Variants in CCDC34 observed in about 807,000 individuals in gnomAD.
The protein encoded by CCDC34 is coiled-coil domain-containing protein 34.
CCDC34 carries 40 observed loss-of-function variants against 44.1 expected under a neutral mutation model. That is an observed-to-expected ratio of 0.91 (90% CI 0.70 to 1.18). The LOEUF (loss-of-function observed/expected upper bound fraction) is 1.18. Among genes scored for constraint, CCDC34 ranks in the 50% most tolerant of loss-of-function variants. CCDC34 has a pLI of 0.00. For synonymous variants in CCDC34, 159 were observed against 158.2 expected (o/e 1.01, Z -0.04); for missense variants, 466 against 452.3 (o/e 1.03, Z -0.28).
At chr11:27,342,854 T>C (rs1214350772) in intron 3 of CCDC34, among the ~76,000 whole-genome samples, 1 of 152,230 alleles carries the variant, frequency 6.6e-6, no homozygotes, top group East Asian at 1.9e-4. Flanking sequence ...AGCTAAATTC[T>C]AAATAACCAA....
intron 1 of CCDC34, among the ~76,000 whole-genome samples, chr11:27,358,591 T>C (rs931599089): frequency 1.3e-5 from 2 of 152,198 alleles, no homozygotes; most frequent in African/African-American, 4.8e-5. Flanking sequence ...AAAGAGACAC[T>C]GTTGATGTGT....
chr11:27,355,936 T>C (rs1355292992), intron 2 of CCDC34, among the ~76,000 whole-genome samples: 1 of 150,206 alleles, frequency 6.7e-6, no homozygotes, highest in African/African-American at 2.4e-5. Flanking sequence ...TAGAAACTTA[T>C]CAAATAATAA....
chr11:27,343,998 G>A (rs956878721), intron 3 of CCDC34, among the ~76,000 whole-genome samples: 1 of 151,946 alleles, frequency 6.6e-6, no homozygotes, highest in Non-Finnish European at 1.5e-5. Context: ...AAATGAATTC[G>A]AGAAAAAGTA....
intron 5 of CCDC34, 42 bp downstream of exon 5, chr11:27,340,654 T>C: frequency 6.4e-7 from 1 of 1,550,898 alleles, no homozygotes; most frequent in Non-Finnish European, 8.7e-7. Flanking sequence ...TATTTGCTTC[T>C]GCAAACCATA....
At position 27,350,453 on chromosome 11, in the gene CCDC34, T is replaced by G. The variant is rs1282934953; in HGVS notation, c.499-14A>C. On this transcript the variant is annotated splice_polypyrimidine_tract_variant and intron_variant, in intron 2 of 5. Coordinates refer to ENST00000328697, the MANE Select transcript of CCDC34 (RefSeq NM_030771.2). ...TTGATTTAATTCCTGTGGATTTTAT[T>G]TAGACAAAAGGCAACATTTAATAGA... 2 of 1,581,196 alleles carry G rather than the reference T, an allele frequency of 1.3e-6. No individual in the cohort carries two copies. Among genetic ancestry groups the G allele is most frequent in the Non-Finnish European group, 1.7e-6 (2 of 1,160,676 alleles).
chr11:27,363,009 G>A lies in CCDC34; in HGVS notation c.186C>T (p.Ser62=). Residue 62 remains serine, a synonymous_variant, in exon 1 of 6, where the codon TCC becomes TCT. Transcript: ENST00000328697. ...CAAGGGGAGACAACAGCGACCTGGT[G>A]GAATTGCTGCAGCTCAGCGGCAGCG... is the stretch of plus-strand genomic sequence containing the variant. ...SPPLPLSCSN[S]TRSLLSPLGH... 1 of 1,614,178 alleles carries A rather than the reference G, an allele frequency of 6.2e-7. No individual in the cohort carries two copies. Among genetic ancestry groups the A allele is most frequent in the Non-Finnish European group, 8.5e-7 (1 of 1,180,030 alleles).
intron 4 of CCDC34, 55 bp downstream of exon 4, chr11:27,341,337 G>T: frequency 1.9e-6 from 2 of 1,039,210 alleles, no homozygotes; most frequent in South Asian, 2.2e-5. Flanking sequence ...AGATATAGTT[G>T]ACACATATGA....
At chr11:27,339,907 T>G in intron 5 of CCDC34, among the ~76,000 whole-genome samples, 1 of 152,294 alleles carries the variant, frequency 6.6e-6, no homozygotes, top group Middle Eastern at 3.4e-3. Flanking sequence ...TTAAAGCCAC[T>G]GCTTATTACT....
At position 27,363,100 on chromosome 11, in the gene CCDC34, G is replaced by A. The variant is rs1590334261; in HGVS notation, c.95C>T (p.Ser32Phe). 2 of 1,598,692 alleles carry A rather than the reference G, an allele frequency of 1.3e-6. No homozygotes were observed. Among genetic ancestry groups the A allele is most frequent in the Middle Eastern group, 1.7e-4 (1 of 5,942 alleles). Residue 32 changes from serine (S) to phenylalanine (F), a missense_variant, in exon 1 of 6, where the codon TCC (serine) becomes TTC (phenylalanine). Coordinates refer to ENST00000328697, the MANE Select transcript of CCDC34 (RefSeq NM_030771.2). Reference protein sequence around the residue: ...CRPRSRPSSDSCSVPMTGARG... With the variant: ...CRPRSRPSSDFCSVPMTGARG... ...TGCGCCCGTCATAGGGACTGAGCAG[G>A]AGTCCGAGGAGGGCCGAGACCTGGG...
chr11:27,346,836 C>G lies in CCDC34; in HGVS notation c.606+3496G>C, dbSNP rs555263286. On this transcript the variant is annotated intron_variant, in intron 3 of 5. Coordinates refer to ENST00000328697, the MANE Select transcript of CCDC34 (RefSeq NM_030771.2). ...AGAGGTAATCAAGTTTAAATGAGGTCATAAGGGTAGGACCCTAATTCAATA... is the reference window on the plus strand; with the variant it reads ...AGAGGTAATCAAGTTTAAATGAGGTGATAAGGGTAGGACCCTAATTCAATA... 2.0e-5 allele frequency among the ~76,000 whole-genome samples: 3 copies of G among 152,226 alleles called. No homozygotes were observed. In the South Asian group the frequency reaches 6.2e-4, roughly 32 times the overall value.
At chr11:27,352,321 T>C (rs1237828013) in intron 2 of CCDC34, among the ~76,000 whole-genome samples, 2 of 151,818 alleles carry the variant, frequency 1.3e-5, no homozygotes, top group Non-Finnish European at 2.9e-5. Context: ...AGGCAGAGGT[T>C]TCAGTGAGCT....
chr11:27,339,816 C>T (rs1204277142), intron 5 of CCDC34, among the ~76,000 whole-genome samples: 1 of 152,000 alleles, frequency 6.6e-6, no homozygotes, highest in African/African-American at 2.4e-5. Flanking sequence ...ATAAAACAAT[C>T]CATTATTTTA....
chr11:27,349,360 C>G (rs1232938940), intron 3 of CCDC34: 5 of 883,978 alleles, frequency 5.7e-6, no homozygotes, highest in Non-Finnish European at 6.8e-6. Context: ...TTATAACACA[C>G]ATACATCTAA....
chr11:27,349,479 A>G (rs1862475797), intron 3 of CCDC34: 1 of 870,812 alleles, frequency 1.1e-6, no homozygotes, highest in South Asian at 5.3e-5. Context: ...AGATTCAACA[A>G]TAAAGATAAA....
At chr11:27,343,947 T>C (rs1396308594) in intron 3 of CCDC34, among the ~76,000 whole-genome samples, 1 of 152,192 alleles carries the variant, frequency 6.6e-6, no homozygotes, top group African/African-American at 2.4e-5. Context: ...TTCAATATTT[T>C]AAATGAAATG....
chr11:27,362,610 A>C (rs1328875519), intron 1 of CCDC34, among the ~76,000 whole-genome samples: 1 of 152,170 alleles, frequency 6.6e-6, no homozygotes, highest in Non-Finnish European at 1.5e-5. Flanking sequence ...AGACTGCAGC[A>C]ATCATAATAT....
chr11:27,353,702 G>T (rs1862535073), intron 2 of CCDC34, among the ~76,000 whole-genome samples: 1 of 152,112 alleles, frequency 6.6e-6, no homozygotes, highest in South Asian at 2.1e-4. Flanking sequence ...ATTTATGAGT[G>T]TGGATGATCT....
At chr11:27,359,512 G>T (rs1241206581) in intron 1 of CCDC34, among the ~76,000 whole-genome samples, 3 of 149,612 alleles carry the variant, frequency 2.0e-5, no homozygotes, top group Admixed American at 6.7e-5. Flanking sequence ...TTTTTGAGAC[G>T]GTGTCTCCCT....
chr11:27,359,729 C>T (rs1862635021), intron 1 of CCDC34, among the ~76,000 whole-genome samples: 1 of 152,208 alleles, frequency 6.6e-6, no homozygotes, highest in African/African-American at 2.4e-5. Flanking sequence ...ACAGTTGTGG[C>T]TGGCTACCTT....
Sources: gnomAD v4.1 joint callset for allele counts (sites outside exome capture counted in the v4.1 genomes callset) on GRCh38, gnomAD v4.1.1 for gene constraint, MANE v1.5 for transcripts, NCBI Gene and HGNC (gene_info 2026-07-23, HGNC 2026-07-21) for gene names.